Variants in OSBPL5 observed in about 807,000 individuals in gnomAD.
OSBPL5 encodes the protein oxysterol binding protein like 5.
Under a neutral mutation model 111.2 loss-of-function variants are expected in OSBPL5, and 71 were observed. That is an observed-to-expected ratio of 0.64 (90% CI 0.53 to 0.78). The LOEUF (loss-of-function observed/expected upper bound fraction) is 0.78, where lower values mean the gene tolerates loss of function less well. Among genes scored for constraint, OSBPL5 ranks in the 30% least tolerant of loss-of-function variants. The probability of loss-of-function intolerance (pLI) is 0.00; values close to 1 mark genes in which losing one functional copy is unlikely to be tolerated. For synonymous variants in OSBPL5, 549 were observed against 513.9 expected, an observed-to-expected ratio of 1.07 and a Z score of -0.93; for missense variants, 1,210 against 1,189.3, an observed-to-expected ratio of 1.02 and a Z score of -0.26.
chr11:3,112,398 A>G (rs979314699), intron 7 of OSBPL5, among the ~76,000 whole-genome samples: 6 of 152,042 alleles, frequency 3.9e-5, no homozygotes, highest in Non-Finnish European at 1.5e-5. Context: ...ATGAAACCCC[A>G]AGAATGTAAA....
Position 3,121,058 on chromosome 11 carries a change from A to ATTT in OSBPL5, c.403-435_403-434insAAA, listed in dbSNP as rs1564843056. ...TGACTTGTAACTGGCAGCTTTGTAG[A>ATTT]TTCTTTTTTTTTTTTTTTTTGAGAC... On this transcript the variant is annotated intron_variant, in intron 5 of 21. Coordinates refer to ENST00000263650, the MANE Select transcript of OSBPL5 (RefSeq NM_020896.4). This position sits in a 1 kb window ranked among gnomAD's most constrained non-coding sequence, Gnocchi z 4.3. 2.5e-5 allele frequency among the ~76,000 whole-genome samples: 3 copies of ATTT among 122,216 alleles called. No individual in the cohort carries two copies. The highest frequency in any genetic ancestry group is 3.6e-5 in the Non-Finnish European group (2 of 55,410). The allele number at this position is 122,216 out of a possible 152,430, so 80.2% of individuals were successfully genotyped here.
intron 14 of OSBPL5, among the ~76,000 whole-genome samples, chr11:3,096,081 G>C (rs1857242740): frequency 6.6e-6 from 1 of 152,136 alleles, no homozygotes; most frequent in Non-Finnish European, 1.5e-5. Context: ...AGGAGGAAAT[G>C]AGTAATACTC....
At chr11:3,155,017 A>G (rs1846711016) in intron 1 of OSBPL5, among the ~76,000 whole-genome samples, 1 of 152,228 alleles carries the variant, frequency 6.6e-6, no homozygotes, top group African/African-American at 2.4e-5. Flanking sequence ...GGAGATGAGG[A>G]CACAGGCACA....
chr11:3,088,422 G>C (rs1856948206), intron 21 of OSBPL5, 79 bp from the exon 22 acceptor site: 4 of 1,369,038 alleles, frequency 2.9e-6, no homozygotes, highest in Non-Finnish European at 3.8e-6. Flanking sequence ...ACAGTGCCCT[G>C]GGTACTTGAC....
rs1040019186 is a variant in OSBPL5 at position 3,109,738 on chromosome 11, G to A, written c.692-1793C>T. Among the ~76,000 whole-genome samples, 1 of 152,180 alleles carries A rather than the reference G, an allele frequency of 6.6e-6. No homozygotes were observed. The highest frequency in any genetic ancestry group is 2.4e-5 in the African/African-American group (1 of 41,424). On this transcript the variant is annotated intron_variant, in intron 7 of 21. Coordinates refer to ENST00000263650, the MANE Select transcript of OSBPL5 (RefSeq NM_020896.4). The surrounding 1 kb of genome is among the most constrained non-coding windows in gnomAD (Gnocchi z 7.4). ...TGGGGGAGGGATGGCAGTGGATGGTGGTGGGGAGCTGGAGGGGTCACAACT... is the reference window on the plus strand; with the variant it reads ...TGGGGGAGGGATGGCAGTGGATGGTAGTGGGGAGCTGGAGGGGTCACAACT...
At chr11:3,096,011 T>A (rs1367523806) in intron 14 of OSBPL5, among the ~76,000 whole-genome samples, 2 of 149,876 alleles carry the variant, frequency 1.3e-5, no homozygotes, top group African/African-American at 4.9e-5. Context: ...CAATTCGTGG[T>A]TTATAGGAAA....
At position 3,087,984 on chromosome 11, in the gene OSBPL5, G is replaced by A. The variant is rs1237605782; in HGVS notation, c.*221C>T. The A allele has an allele frequency of 7.0e-6, 3 of 429,290 alleles. No homozygotes were observed. The highest frequency in any genetic ancestry group is 1.2e-5 in the Non-Finnish European group (3 of 244,840). 26.6% of individuals were successfully genotyped at this position (429,290 alleles called of 1,614,324 possible). ...GCATTTGGCTTTAGCATTAAGGCCA[G>A]CGCTGGGCGGAAGGCCCTGCAGAGA... On this transcript the variant is annotated 3_prime_UTR_variant, in exon 22 of 22. Transcript: ENST00000263650.
At chr11:3,153,483 A>T (rs1234992168) in intron 1 of OSBPL5, among the ~76,000 whole-genome samples, 1 of 152,128 alleles carries the variant, frequency 6.6e-6, no homozygotes. Flanking sequence ...TAGCCTGAAG[A>T]TGTGGCTGCC....
At position 3,145,157 on chromosome 11, in the gene OSBPL5, G is replaced by A. The variant is rs149001853; in HGVS notation, c.-21-15988C>T. 1.5e-4 allele frequency among the ~76,000 whole-genome samples: 23 copies of A among 152,302 alleles called. No homozygotes were observed. The East Asian group carries it at 4.1e-3, about 27-fold the overall frequency. ...CTCTGCGTGCACCTGGGCTGGCCCCGTGCCCGCCTGGATTTGACGAAGCCC... is the reference window on the plus strand; with the variant it reads ...CTCTGCGTGCACCTGGGCTGGCCCCATGCCCGCCTGGATTTGACGAAGCCC... On this transcript the variant is annotated intron_variant, in intron 1 of 21. Coordinates refer to ENST00000263650, the MANE Select transcript of OSBPL5 (RefSeq NM_020896.4).
intron 14 of OSBPL5, among the ~76,000 whole-genome samples, chr11:3,096,084 T>C (rs1857242887): frequency 6.6e-6 from 1 of 151,782 alleles, no homozygotes; most frequent in Non-Finnish European, 1.5e-5. Flanking sequence ...AGGAAATGAG[T>C]AATACTCTGC....
chr11:3,098,188 C>G (rs987731950), intron 14 of OSBPL5, among the ~76,000 whole-genome samples: 1 of 150,888 alleles, frequency 6.6e-6, no homozygotes, highest in Non-Finnish European at 1.5e-5. Context: ...ATGAGTTACA[C>G]GTCAAGTTAA....
At chr11:3,108,466 G>A (rs74853690) in intron 7 of OSBPL5, among the ~76,000 whole-genome samples, 1 of 152,220 alleles carries the variant, frequency 6.6e-6, no homozygotes, top group South Asian at 2.1e-4. Context: ...GGAGTCCAGG[G>A]AGGAGGGTGG....
chr11:3,098,652 T>C (rs1010579890), intron 14 of OSBPL5, among the ~76,000 whole-genome samples: 1 of 151,798 alleles, frequency 6.6e-6, no homozygotes, highest in Non-Finnish European at 1.5e-5. Flanking sequence ...ATTACAGGCA[T>C]GCATCACCAT....
Position 3,092,868 on chromosome 11 carries a change from C to T in OSBPL5, c.2131G>A (p.Asp711Asn), listed in dbSNP as rs1857111325. Reference sequence around the variant, plus strand: ...CCCCAGGGCTTTGTCGGCACTCACTCCTCGTATCGGTAGTGCCACTCCTGG... The same window carrying T: ...CCCCAGGGCTTTGTCGGCACTCACTTCTCGTATCGGTAGTGCCACTCCTGG... ...ITQEWHYRYE[D>N]HSPWDPLKDI... The change falls in exon 18 of 22, where the codon GAC (aspartate) becomes AAC (asparagine). Residue 711 changes from aspartate to asparagine, a missense_variant and splice_region_variant. By Grantham distance (23) the Asp-to-Asn change is conservative. Coordinates refer to ENST00000263650, the MANE Select transcript of OSBPL5 (RefSeq NM_020896.4). The surrounding 1 kb of genome is among the most constrained non-coding windows in gnomAD (Gnocchi z 5.4). The T allele has an allele frequency of 1.3e-6, 2 of 1,535,444 alleles. No homozygotes were observed. The highest frequency in any genetic ancestry group is 1.4e-5 in the African/African-American group (1 of 73,060).
chr11:3,120,134 G>T, intron 6 of OSBPL5: 1 of 541,046 alleles, frequency 1.8e-6, no homozygotes, highest in Admixed American at 3.2e-5. Flanking sequence ...GCTGTTCCTC[G>T]GCCACCCCTG....
chr11:3,135,340 G>A (rs927634852), intron 1 of OSBPL5, among the ~76,000 whole-genome samples: 6 of 152,210 alleles, frequency 3.9e-5, no homozygotes, highest in Admixed American at 1.3e-4. Context: ...GAATGAATTC[G>A]CTCATGGCTG....
In OSBPL5 at chr11:3,164,926, T is replaced by A. The variant is rs867868396; in HGVS notation, c.-22+290A>T. Reference sequence around the variant, plus strand: ...CCGAGCTGGGCGCGCCGCTTCCCACTCGCGGGCCCCACCCGCCCCAACCCG... The same window carrying A: ...CCGAGCTGGGCGCGCCGCTTCCCACACGCGGGCCCCACCCGCCCCAACCCG... On this transcript the variant is annotated intron_variant, in intron 1 of 21. Transcript: ENST00000263650. 4.0e-5 allele frequency among the ~76,000 whole-genome samples: 6 copies of A among 150,812 alleles called. No individual in the cohort carries two copies. The East Asian group carries it at 9.8e-4, about 25-fold the overall frequency.
rs910453279 is a variant in OSBPL5, at chr11:3,126,955, C to A, written c.137-400G>T. Among the ~76,000 whole-genome samples the A allele has an allele frequency of 3.9e-5, 6 of 152,202 alleles. No individual in the cohort carries two copies. Among genetic ancestry groups the A allele is most frequent in the East Asian group, 1.9e-4 (1 of 5,198 alleles). On this transcript the variant is annotated intron_variant, in intron 2 of 21. Transcript: ENST00000263650. The surrounding 1 kb of genome is among the most constrained non-coding windows in gnomAD (Gnocchi z 6.5). The stretch of plus-strand genomic sequence containing the variant: ...TGGGGCCCCTGGACTGTGCATCCCC[C>A]TGGCTGGATGCTGCCGGCCCCTGCG...
Position 3,151,166 on chromosome 11 carries a change from C to T in OSBPL5, c.-22+14050G>A, listed in dbSNP as rs145941471. On this transcript the variant is annotated intron_variant, in intron 1 of 21. Coordinates refer to ENST00000263650, the MANE Select transcript of OSBPL5 (RefSeq NM_020896.4). Reference sequence around the variant, plus strand: ...GCCACGAGCCAAGGAACACCTGGAGCCCCTGGGAGCTGGAAGAGGCAGGAA... The same window carrying T: ...GCCACGAGCCAAGGAACACCTGGAGTCCCTGGGAGCTGGAAGAGGCAGGAA... 1.1e-3 allele frequency among the ~76,000 whole-genome samples: 166 copies of T among 152,170 alleles called. 1 individual carries two copies. The highest frequency in any genetic ancestry group is 3.8e-3 in the African/African-American group (157 of 41,480).
Sources: gnomAD v4.1 joint callset for allele counts (sites outside exome capture counted in the v4.1 genomes callset) on GRCh38, gnomAD v4.1.1 for gene constraint, Gnocchi (gnomAD v3.1) non-coding constraint, MANE v1.5 for transcripts, NCBI Gene and HGNC (gene_info 2026-07-23, HGNC 2026-07-21) for gene names.